POLD1: variants seen among roughly 807,000 people sequenced by gnomAD.
The protein encoded by POLD1 is DNA polymerase delta 1, catalytic subunit, also known as DNA polymerase delta catalytic subunit.
Under a neutral mutation model 129.7 loss-of-function variants are expected in POLD1, and 79 were observed. The ratio of observed to expected loss-of-function variants is 0.61; its 90% CI spans 0.51 to 0.73. The LOEUF is 0.73. Among genes scored for constraint, POLD1 ranks in the 30% least tolerant of loss-of-function variants. The pLI is 0.00. For missense variants in POLD1, 1,338 were observed against 1,595.8 expected (o/e 0.84, Z 2.75); for synonymous variants, 714 against 683.3 (o/e 1.04, Z -0.70).
intron 1 of POLD1, among the ~76,000 whole-genome samples, chr19:50,390,054 G>T (rs1018944784): frequency 6.6e-6 from 1 of 150,842 alleles, no homozygotes; most frequent in Admixed American, 6.6e-5. Flanking sequence ...GATTACAGGC[G>T]CCTGGCACCA....
At chr19:50,410,731 A>T (rs952734164) in intron 17 of POLD1, among the ~76,000 whole-genome samples, 8 of 152,040 alleles carry the variant, frequency 5.3e-5, no homozygotes, top group African/African-American at 1.9e-4. Flanking sequence ...CACATGCAGC[A>T]TTGCCAACCA....
At position 50,406,341 on chromosome 19, in the gene POLD1, G is replaced by T. The variant is rs2038880346; in HGVS notation, c.1383+19G>T. On this transcript the variant is annotated intron_variant, in intron 11 of 26. Coordinates refer to ENST00000440232, the MANE Select transcript of POLD1 (RefSeq NM_002691.4). The surrounding 1 kb of genome is among the most constrained non-coding windows in gnomAD (Gnocchi z 5.5). ...GCTGCAGGTATGGGCGGGAGGTGGG[G>T]TGTGTCCCTGTCCTTGGAAGGCCAC... 2 of 1,613,126 alleles carry T rather than the reference G, an allele frequency of 1.2e-6. No individual in the cohort carries two copies. Among genetic ancestry groups the T allele is most frequent in the East Asian group, 2.2e-5 (1 of 44,838 alleles).
At chr19:50,387,322 T>A (rs946176475) in intron 1 of POLD1, among the ~76,000 whole-genome samples, 1 of 152,158 alleles carries the variant, frequency 6.6e-6, no homozygotes, top group African/African-American at 2.4e-5. Context: ...TTGGGCAAGA[T>A]TGGATGAGGT....
At chr19:50,405,871 T>G (rs2038857698) in intron 10 of POLD1, among the ~76,000 whole-genome samples, 1 of 152,128 alleles carries the variant, frequency 6.6e-6, no homozygotes, top group South Asian at 2.1e-4. Flanking sequence ...CTGCTCACAG[T>G]GTCCCCAAAT....
intron 1 of POLD1, among the ~76,000 whole-genome samples, chr19:50,391,355 G>C (rs1475931864): frequency 2.0e-5 from 3 of 152,150 alleles, no homozygotes; most frequent in Non-Finnish European, 2.9e-5. Context: ...GCGGCTGGGA[G>C]GTGGAGGTTG....
At chr19:50,394,014 G>A (rs2038256112) in intron 1 of POLD1, 1 of 152,248 alleles carries the variant, frequency 6.6e-6, no homozygotes, top group Non-Finnish European at 1.5e-5. Context: ...AAACACAGTG[G>A]CCCAAGAAAG....
chr19:50,390,931 TTC>T (rs1404595963), intron 1 of POLD1, among the ~76,000 whole-genome samples: 1 of 152,206 alleles, frequency 6.6e-6, no homozygotes, highest in Non-Finnish European at 1.5e-5. Flanking sequence ...GGCAGAATTT[TTC>T]TTAGTACAGA....
At chr19:50,401,388 TA>T (rs1200799872) in intron 3 of POLD1, among the ~76,000 whole-genome samples, 129 of 62,198 alleles carry the variant, frequency 2.1e-3, no homozygotes, top group African/African-American at 5.9e-3. Context: ...TATATATATA[TA>T]TATTTTTTTT....
intron 10 of POLD1, among the ~76,000 whole-genome samples, chr19:50,404,504 C>T (rs1182024844): frequency 6.7e-6 from 1 of 148,920 alleles, no homozygotes; most frequent in East Asian, 2.0e-4. Context: ...CCTTGTGATC[C>T]GTCTGCCTCG....
chr19:50,417,290 C>T, intron 26 of POLD1, 21 bp downstream of exon 26: 1 of 1,525,040 alleles, frequency 6.6e-7, no homozygotes, highest in Non-Finnish European at 8.9e-7. Flanking sequence ...TGTCCCGACC[C>T]TGGGCTGCCC....
intron 3 of POLD1, among the ~76,000 whole-genome samples, chr19:50,401,540 C>T (rs1445058510): frequency 2.6e-5 from 4 of 151,394 alleles, no homozygotes; most frequent in Admixed American, 2.0e-4. Flanking sequence ...TGTGCACGGC[C>T]AGTTGTTTTT....
chr19:50,400,522 A>ATTTTTTTTTT lies in POLD1; in HGVS notation c.316+1057_316+1066dup, dbSNP rs1016107364. Among the ~76,000 whole-genome samples the ATTTTTTTTTT allele has an allele frequency of 2.4e-4, 15 of 63,522 alleles. 1 individual carries two copies. The highest frequency in any genetic ancestry group is 1.0e-3 in the African/African-American group (12 of 12,050). 41.7% of individuals were successfully genotyped at this position (63,522 alleles called of 152,430 possible). A position where few individuals can be genotyped will look rare whatever the true frequency, so the allele number is the denominator to read the frequency against. Reference sequence around the variant, plus strand: ...AGGAGTGAGTAACTGTGCCCCGCCTATTTTTTTTTTTTTTTTTTTTTTTTT... The same window carrying ATTTTTTTTTT: ...AGGAGTGAGTAACTGTGCCCCGCCTATTTTTTTTTTTTTTTTTTTTTTTTTTTTTTTTTTT... On this transcript the variant is annotated intron_variant, in intron 3 of 26. Transcript: ENST00000440232.
chr19:50,388,895 C>T (rs958081410), intron 1 of POLD1, among the ~76,000 whole-genome samples: 5 of 132,510 alleles, frequency 3.8e-5, no homozygotes, highest in Non-Finnish European at 7.6e-5. Flanking sequence ...TACAGTGGTG[C>T]GACCTTGGCT....
chr19:50,405,809 C>T (rs893675782), intron 10 of POLD1, among the ~76,000 whole-genome samples: 8 of 152,158 alleles, frequency 5.3e-5, no homozygotes, highest in African/African-American at 1.7e-4. Flanking sequence ...CCCTCAGCAT[C>T]CATCTCAGCC....
At chr19:50,404,650 C>T (rs932880839) in intron 10 of POLD1, among the ~76,000 whole-genome samples, 1 of 137,232 alleles carries the variant, frequency 7.3e-6, no homozygotes, top group African/African-American at 2.7e-5. Context: ...ACGATCGAGG[C>T]TCACTGCAAC....
At chr19:50,408,706 G>C (rs2122363620) in intron 14 of POLD1, 79 bp from the exon 15 acceptor site, 1 of 1,554,936 alleles carries the variant, frequency 6.4e-7, no homozygotes, top group Middle Eastern at 1.8e-4. Flanking sequence ...TTTTTTTAAA[G>C]GGTGAGGCCA....
At chr19:50,415,613 TG>T (rs2039253471) in intron 21 of POLD1, 23 bp downstream of exon 21, 1 of 1,605,464 alleles carries the variant, frequency 6.2e-7, no homozygotes, top group Admixed American at 1.7e-5. Context: ...GCGGGTGGCC[TG>T]GCCAGAAATA....
chr19:50,414,675 C>T, intron 19 of POLD1, 140 bp from the exon 20 acceptor site: 2 of 613,786 alleles, frequency 3.3e-6, no homozygotes, highest in Middle Eastern at 2.7e-4. Context: ...TGTCTCGGTC[C>T]ATCCCACCAG....
chr19:50,400,211 A>ATTTTTTTTTTTT (rs549820323), intron 3 of POLD1, among the ~76,000 whole-genome samples: 5 of 67,814 alleles, frequency 7.4e-5, no homozygotes, highest in African/African-American at 3.4e-4. Flanking sequence ...CTGGCCAATA[A>ATTTTTTTTTTTT]TTTTTTTTTT....
Sources: gnomAD v4.1 joint callset for allele counts (sites outside exome capture counted in the v4.1 genomes callset) on GRCh38, gnomAD v4.1.1 for gene constraint, Gnocchi (gnomAD v3.1) non-coding constraint, MANE v1.5 for transcripts, NCBI Gene and HGNC (gene_info 2026-07-23, HGNC 2026-07-21) for gene names.